Variants in SESN1 observed in about 807,000 individuals in gnomAD.
SESN1 encodes sestrin 1.
SESN1 carries 30 observed loss-of-function variants against 59.3 expected under a neutral mutation model. That is an observed-to-expected ratio of 0.51 (90% CI 0.38 to 0.69). The LOEUF is 0.69. Among genes scored for constraint, SESN1 ranks in the 30% least tolerant of loss-of-function variants. The pLI is 0.00. For missense variants in SESN1, 566 were observed against 673.0 expected, an observed-to-expected ratio of 0.84 and a Z score of 1.76; for synonymous variants, 197 against 219.9, an observed-to-expected ratio of 0.90 and a Z score of 0.92.
chr6:109,066,328 A>T (rs1189702095), intron 1 of SESN1, among the ~76,000 whole-genome samples: 14 of 147,848 alleles, frequency 9.5e-5, no homozygotes, highest in African/African-American at 2.0e-4. Flanking sequence ...TTTTTTTTTT[A>T]AAGTCACTAT....
In SESN1 at chr6:109,094,318, T is replaced by C. The variant is rs1781426540; in HGVS notation, c.-245A>G. Reference sequence around the variant, plus strand: ...TTTCTGGAAAAACAAAGTTTGAAAGTTGCAACCTTGCAGCGCTGGCTTTGG... The same window carrying C: ...TTTCTGGAAAAACAAAGTTTGAAAGCTGCAACCTTGCAGCGCTGGCTTTGG... On this transcript the variant is annotated 5_prime_UTR_variant, in exon 1 of 10. Coordinates refer to ENST00000436639, the MANE Select transcript of SESN1 (RefSeq NM_014454.3). 5.8e-6 allele frequency: 3 copies of C among 520,078 alleles called. No homozygotes were observed. The East Asian group carries it at 1.0e-4, about 17-fold the overall frequency. 32.2% of individuals were successfully genotyped at this position (520,078 alleles called of 1,614,324 possible).
At chr6:108,991,776 C>T (rs1368562218) in intron 7 of SESN1, among the ~76,000 whole-genome samples, 2 of 152,188 alleles carry the variant, frequency 1.3e-5, no homozygotes, top group African/African-American at 4.8e-5. Flanking sequence ...ACAAACCCCA[C>T]ATAATCTAAT....
chr6:109,033,258 T>C (rs1020914294), intron 1 of SESN1, among the ~76,000 whole-genome samples: 11 of 152,132 alleles, frequency 7.2e-5, no homozygotes, highest in Non-Finnish European at 1.3e-4. Context: ...TATAAACCAG[T>C]GATGCCAGTG....
intron 1 of SESN1, among the ~76,000 whole-genome samples, chr6:109,026,379 T>C (rs1044652050): frequency 6.6e-6 from 1 of 152,222 alleles, no homozygotes; most frequent in Non-Finnish European, 1.5e-5. Flanking sequence ...ATTTTATGGG[T>C]AAAATTCTCA....
chr6:109,022,804 G>A (rs920583128), intron 1 of SESN1, among the ~76,000 whole-genome samples: 4 of 152,088 alleles, frequency 2.6e-5, no homozygotes, highest in Admixed American at 6.5e-5. Flanking sequence ...GAAACTCAGA[G>A]AGGTTAAGTA....
intron 1 of SESN1, among the ~76,000 whole-genome samples, chr6:109,026,546 G>A (rs1415219254): frequency 6.6e-6 from 1 of 152,066 alleles, no homozygotes; most frequent in Non-Finnish European, 1.5e-5. Flanking sequence ...CGCCAGGCTG[G>A]AGTGCAGTGG....
intron 1 of SESN1, among the ~76,000 whole-genome samples, chr6:109,045,485 C>T (rs1241579899): frequency 6.6e-6 from 1 of 152,204 alleles, no homozygotes; most frequent in Non-Finnish European, 1.5e-5. Context: ...TGCATCTCTG[C>T]CTATGTCTCC....
chr6:109,071,226 A>G (rs138646811), intron 1 of SESN1, among the ~76,000 whole-genome samples: 2 of 152,342 alleles, frequency 1.3e-5, no homozygotes, highest in African/African-American at 2.4e-5. Flanking sequence ...GAATAAATAT[A>G]TAAGTAAATA....
chr6:109,054,084 T>G (rs67568078), intron 1 of SESN1, among the ~76,000 whole-genome samples: 7,262 of 151,170 alleles, frequency 0.048, 337 homozygotes, highest in African/African-American at 0.12. Context: ...CTTAATTTTT[T>G]GGGGGGGGAG....
intron 4 of SESN1, chr6:109,000,030 T>A (rs919206976): frequency 6.6e-6 from 1 of 152,154 alleles, no homozygotes; most frequent in African/African-American, 2.4e-5. Context: ...AAGAAGCCAG[T>A]CTGAAAAGCT....
intron 8 of SESN1, among the ~76,000 whole-genome samples, chr6:108,989,439 C>A (rs1013944709): frequency 6.8e-6 from 1 of 146,252 alleles, no homozygotes; most frequent in African/African-American, 2.6e-5. Context: ...ATATCTAGAT[C>A]TAGATACATC....
intron 9 of SESN1, among the ~76,000 whole-genome samples, chr6:108,987,918 T>C (rs1744589827): frequency 6.6e-6 from 1 of 151,128 alleles, no homozygotes; most frequent in South Asian, 2.1e-4. Context: ...TTCTCATGCC[T>C]CAGCTTCCCA....
intron 1 of SESN1, among the ~76,000 whole-genome samples, chr6:109,018,643 A>C (rs1779962706): frequency 6.6e-6 from 1 of 152,214 alleles, no homozygotes; most frequent in South Asian, 2.1e-4. Flanking sequence ...TTATTGTTTT[A>C]ACTTTTATGT....
intron 1 of SESN1, among the ~76,000 whole-genome samples, chr6:109,032,381 G>A (rs1328262634): frequency 6.6e-6 from 1 of 151,244 alleles, no homozygotes; most frequent in Non-Finnish European, 1.5e-5. Flanking sequence ...CACTTTGGGA[G>A]GCCGAGGCGG....
intron 1 of SESN1, among the ~76,000 whole-genome samples, chr6:109,091,161 C>A (rs1201861428): frequency 6.6e-6 from 1 of 152,136 alleles, no homozygotes; most frequent in Non-Finnish European, 1.5e-5. Flanking sequence ...AATTGTAATT[C>A]TATATTATTA....
At chr6:108,987,941 T>C (rs1020894220) in intron 9 of SESN1, among the ~76,000 whole-genome samples, 1 of 151,880 alleles carries the variant, frequency 6.6e-6, no homozygotes, top group African/African-American at 2.4e-5. Flanking sequence ...TAGCTGGGAA[T>C]ACAGGTGCAT....
rs1019685651 is a variant in SESN1, at chr6:109,009,495, G to A, written c.280-7152C>T. ...GGGACGGCTGCGGACGCGCGGAGGC[G>A]GCGAGCGCTGGGCAGCCGGCCGCGG... On this transcript the variant is annotated intron_variant, in intron 1 of 9. Coordinates refer to ENST00000436639, the MANE Select transcript of SESN1 (RefSeq NM_014454.3). 1.7e-4 allele frequency: 207 copies of A among 1,225,602 alleles called. 1 individual carries two copies. Among genetic ancestry groups the A allele is most frequent in the Non-Finnish European group, 1.9e-4 (184 of 983,682 alleles). The allele number at this position is 1,225,602 out of a possible 1,614,324, so 75.9% of individuals were successfully genotyped here.
chr6:109,046,765 C>G lies in SESN1; in HGVS notation c.280-44422G>C, dbSNP rs1274814666. 1.4e-5 allele frequency among the ~76,000 whole-genome samples: 2 copies of G among 139,932 alleles called. 1 individual carries two copies. Among genetic ancestry groups the G allele is most frequent in the Non-Finnish European group, 3.2e-5 (2 of 63,116 alleles). 91.8% of individuals were successfully genotyped at this position (139,932 alleles called of 152,430 possible). On this transcript the variant is annotated intron_variant, in intron 1 of 9. Coordinates refer to ENST00000436639, the MANE Select transcript of SESN1 (RefSeq NM_014454.3). ...ATCTGGGTTGTGAGGAGTGCCTCTG[C>G]CCGGCCGAGACCCCGTCTGGGAGGT...
intron 1 of SESN1, among the ~76,000 whole-genome samples, chr6:109,064,742 T>C (rs976820736): frequency 6.9e-6 from 1 of 144,700 alleles, no homozygotes; most frequent in Non-Finnish European, 1.5e-5. Flanking sequence ...GAGGGAGGGA[T>C]AGCAAGCATA....
Sources: gnomAD v4.1 joint callset for allele counts (sites outside exome capture counted in the v4.1 genomes callset) on GRCh38, gnomAD v4.1.1 for gene constraint, MANE v1.5 for transcripts, NCBI Gene and HGNC (gene_info 2026-07-23, HGNC 2026-07-21) for gene names.